TRPM3: variants seen among roughly 807,000 people sequenced by gnomAD.
The protein encoded by TRPM3 is transient receptor potential cation channel subfamily M member 3.
Under a neutral mutation model 181.2 loss-of-function variants are expected in TRPM3, and 77 were observed. The ratio of observed to expected loss-of-function variants is 0.42; its 90% CI spans 0.35 to 0.51. TRPM3 has a LOEUF of 0.51. Ranked by LOEUF, TRPM3 falls within the 20% of genes least tolerant of loss-of-function variation. TRPM3 has a pLI of 0.01. For missense variants in TRPM3, 1,759 were observed against 2,196.7 expected (o/e 0.80, Z 3.98); for synonymous variants, 745 against 796.4 (o/e 0.94, Z 1.09).
At chr9:70,674,359 A>C (rs1273385611) in intron 9 of TRPM3, among the ~76,000 whole-genome samples, 2 of 152,200 alleles carry the variant, frequency 1.3e-5, no homozygotes, top group Non-Finnish European at 2.9e-5. Context: ...ACTAGGATTT[A>C]ACTAGGTTTT....
chr9:70,901,352 ACTGTCAAGTAATAGAAAGGCACACATT>A (rs2096383830), intron 1 of TRPM3, among the ~76,000 whole-genome samples: 1 of 152,216 alleles, frequency 6.6e-6, no homozygotes, highest in South Asian at 2.1e-4. Context: ...AGCTCCAAAC[ACTGTCAAGTAATAGAAAGGCACACATT>A]CTAAAGGCAT....
At chr9:71,026,605 C>T (rs986936513) in intron 1 of TRPM3, among the ~76,000 whole-genome samples, 1 of 152,172 alleles carries the variant, frequency 6.6e-6, no homozygotes, top group Non-Finnish European at 1.5e-5. Flanking sequence ...AAATGAACCC[C>T]ACCATTCCTC....
intron 1 of TRPM3, among the ~76,000 whole-genome samples, chr9:71,206,161 G>C (rs1470722224): frequency 6.6e-6 from 1 of 152,136 alleles, no homozygotes; most frequent in Non-Finnish European, 1.5e-5. Flanking sequence ...GATCCTTGAG[G>C]AATAGCCACA....
At chr9:71,028,054 G>C (rs2056802727) in intron 1 of TRPM3, among the ~76,000 whole-genome samples, 1 of 152,072 alleles carries the variant, frequency 6.6e-6, no homozygotes, top group African/African-American at 2.4e-5. Flanking sequence ...AATGTTAAAG[G>C]CAGCTAGAGA....
chr9:70,913,580 A>T (rs1346176903), intron 1 of TRPM3, among the ~76,000 whole-genome samples: 5 of 152,244 alleles, frequency 3.3e-5, no homozygotes, highest in African/African-American at 1.2e-4. Flanking sequence ...AGGAAAAGAC[A>T]AAAACAACCA....
rs556351031 is a variant in TRPM3 at position 70,659,963 on chromosome 9, G to T, written c.1346-19303C>A. Among the ~76,000 whole-genome samples, 9 of 152,224 alleles carry T rather than the reference G, an allele frequency of 5.9e-5. No individual in the cohort carries two copies. The East Asian group carries it at 9.7e-4, about 16-fold the overall frequency. On this transcript the variant is annotated intron_variant, in intron 9 of 25. Transcript: ENST00000677713. ...ATTGATTTTCCAAGATTGTTCTTTT[G>T]TCTGTTGTTGTTTTTCTCCCTTCTC...
intron 4 of TRPM3, among the ~76,000 whole-genome samples, chr9:70,843,848 A>T (rs754426099): frequency 6.6e-6 from 1 of 152,184 alleles, no homozygotes; most frequent in Non-Finnish European, 1.5e-5. Context: ...CTCTCAAATG[A>T]TCATTTTTAT....
chr9:70,565,450 T>C (rs529810416), intron 22 of TRPM3, among the ~76,000 whole-genome samples: 1 of 152,232 alleles, frequency 6.6e-6, no homozygotes, highest in South Asian at 2.1e-4. Context: ...CAAGCTACCA[T>C]GCCCAACTGA....
chr9:71,187,788 T>A (rs996512726), intron 1 of TRPM3, among the ~76,000 whole-genome samples: 1 of 151,838 alleles, frequency 6.6e-6, no homozygotes, highest in African/African-American at 2.4e-5. Flanking sequence ...GAATATATGA[T>A]CATATATATG....
chr9:70,692,272 C>T (rs1014869948), intron 8 of TRPM3, among the ~76,000 whole-genome samples: 1 of 152,138 alleles, frequency 6.6e-6, no homozygotes, highest in Admixed American at 6.5e-5. Flanking sequence ...CTTAATACCC[C>T]CATTGCTGGA....
chr9:71,370,235 G>C (rs554524467), intron 1 of TRPM3, among the ~76,000 whole-genome samples: 1 of 152,120 alleles, frequency 6.6e-6, no homozygotes, highest in Non-Finnish European at 1.5e-5. Context: ...AGGTGTTCAA[G>C]TGAAGAGTCT....
At chr9:71,177,703 A>G (rs1306841969) in intron 1 of TRPM3, among the ~76,000 whole-genome samples, 1 of 152,072 alleles carries the variant, frequency 6.6e-6, no homozygotes, top group East Asian at 1.9e-4. Context: ...ATTCTAAAAT[A>G]TACTCAACCC....
intron 1 of TRPM3, among the ~76,000 whole-genome samples, chr9:71,150,954 A>G (rs1771770610): frequency 1.3e-5 from 2 of 152,144 alleles, no homozygotes; most frequent in Admixed American, 6.5e-5. Context: ...GGTTTATGAT[A>G]TAAGTGGCAT....
At chr9:71,092,377 G>A (rs1470780084) in intron 1 of TRPM3, among the ~76,000 whole-genome samples, 5 of 152,146 alleles carry the variant, frequency 3.3e-5, no homozygotes, top group Non-Finnish European at 7.4e-5. Flanking sequence ...TCATAAGTAT[G>A]AGGAGACATG....
intron 1 of TRPM3, among the ~76,000 whole-genome samples, chr9:70,921,968 CACACACAT>C (rs1428302590): frequency 6.6e-6 from 1 of 151,690 alleles, no homozygotes; most frequent in African/African-American, 2.4e-5. Flanking sequence ...CACACACACA[CACACACAT>C]ATAGTTATTT....
chr9:71,238,469 C>A (rs954413078), intron 1 of TRPM3, among the ~76,000 whole-genome samples: 2 of 152,150 alleles, frequency 1.3e-5, no homozygotes, highest in African/African-American at 4.8e-5. Context: ...TTTTGGCCAG[C>A]CCTCTTCCTT....
intron 1 of TRPM3, among the ~76,000 whole-genome samples, chr9:71,317,404 C>T (rs1314121672): frequency 1.3e-5 from 2 of 152,154 alleles, no homozygotes; most frequent in Non-Finnish European, 2.9e-5. Flanking sequence ...GAGGCTGAGG[C>T]TGAGACAGGC....
rs145224886 is a variant in TRPM3, at chr9:71,241,398, A to T, written c.183+205255T>A. Among the ~76,000 whole-genome samples, 669 of 151,948 alleles carry T rather than the reference A, an allele frequency of 4.4e-3. 6 individuals are homozygous for T. Among genetic ancestry groups the T allele is most frequent in the African/African-American group, 0.016 (645 of 41,448 alleles). ...ATTCTCAGCAAACTATCGCAAGGAC[A>T]AAAAACCAAACATCGCATGTTCTCA... On this transcript the variant is annotated intron_variant, in intron 1 of 24. Coordinates refer to the TRPM3 transcript ENST00000357533.
chr9:70,886,190 A>G (rs1038773087), intron 1 of TRPM3, among the ~76,000 whole-genome samples: 2 of 152,132 alleles, frequency 1.3e-5, no homozygotes, highest in African/African-American at 4.8e-5. Flanking sequence ...CCAAATTAAA[A>G]AAAGCCACTT....
Sources: allele counts gnomAD v4.1 joint callset (sites outside exome capture counted in the v4.1 genomes callset), GRCh38; gene constraint gnomAD v4.1.1; transcripts MANE v1.5; gene names NCBI Gene and HGNC (gene_info 2026-07-23, HGNC 2026-07-21).